Variants in HELZ observed in about 807,000 individuals in gnomAD.
The protein encoded by HELZ is ATP-dependent RNA helicase with zinc finger domain.
Under a neutral mutation model 218.2 loss-of-function variants are expected in HELZ, and 23 were observed. That is an observed-to-expected ratio of 0.11 (90% confidence interval 0.08 to 0.15). The LOEUF is 0.15. Ranked by LOEUF, HELZ falls within the 10% of genes least tolerant of loss-of-function variation. HELZ has a pLI of 1.00. For synonymous variants in HELZ, 814 were observed against 829.4 expected, an observed-to-expected ratio of 0.98 and a Z score of 0.32; for missense variants, 1,813 against 2,353.7, an observed-to-expected ratio of 0.77 and a Z score of 4.75.
Position 67,187,223 on chromosome 17 carries a change from T to C in HELZ, c.1162+1096A>G, listed in dbSNP as rs1301978567. Among the ~76,000 whole-genome samples the C allele has an allele frequency of 2.0e-5, 3 of 152,074 alleles. No homozygotes were observed. In the East Asian group the frequency reaches 5.8e-4, roughly 29 times the overall value. ...ATTAATTTATTCTGATTCCAAAGAG[T>C]ACTGAAAAGATGACAAAAATACATA... On this transcript the variant is annotated intron_variant, in intron 12 of 32. Transcript: ENST00000358691.
At chr17:67,236,624 T>TTC (rs2041193129) in intron 3 of HELZ, among the ~76,000 whole-genome samples, 1 of 152,202 alleles carries the variant, frequency 6.6e-6, no homozygotes, top group African/African-American at 2.4e-5. Flanking sequence ...ATGTAAATGT[T>TTC]TCATGATATA....
rs367796190 is a variant in HELZ, at chr17:67,240,747, T to C, written c.-75-1258A>G. ...TTCTTTTTTGTTCAAAGACAAGATA[T>C]ATGTATACACTCTGCTTTACCAAAC... On this transcript the variant is annotated intron_variant, in intron 2 of 32. Coordinates refer to ENST00000358691, the MANE Select transcript of HELZ (RefSeq NM_014877.4). Among the ~76,000 whole-genome samples, 36 of 152,336 alleles carry C rather than the reference T, an allele frequency of 2.4e-4. No homozygotes were observed. In the East Asian group the frequency reaches 4.0e-3, roughly 17 times the overall value.
intron 27 of HELZ, chr17:67,120,150 C>T: frequency 5.1e-6 from 2 of 389,198 alleles, no homozygotes; most frequent in Non-Finnish European, 9.7e-6. Flanking sequence ...ACTACAGGCA[C>T]CCGCCACCAT....
intron 31 of HELZ, among the ~76,000 whole-genome samples, chr17:67,101,112 A>G (rs76073863): frequency 8.5e-6 from 1 of 117,126 alleles, no homozygotes; most frequent in Admixed American, 7.9e-5. Context: ...TCCGTCTCAG[A>G]AAAAAAAAAA....
intron 22 of HELZ, among the ~76,000 whole-genome samples, chr17:67,137,051 T>C (rs2038176086): frequency 6.6e-6 from 1 of 152,182 alleles, no homozygotes; most frequent in Admixed American, 6.5e-5. Flanking sequence ...GGACCCTTTG[T>C]TGAAGCAGTC....
chr17:67,179,241 G>C (rs1056552934), intron 12 of HELZ, among the ~76,000 whole-genome samples: 1 of 152,074 alleles, frequency 6.6e-6, no homozygotes, highest in Non-Finnish European at 1.5e-5. Flanking sequence ...AGAGAAATTT[G>C]AATCTGCGTG....
At chr17:67,189,779 C>T (rs2039847441) in intron 10 of HELZ, 83 bp from the exon 11 acceptor site, 1 of 889,094 alleles carries the variant, frequency 1.1e-6, no homozygotes, top group Non-Finnish European at 1.9e-6. Context: ...TAAATGTCAA[C>T]AGTTAAGATG....
intron 3 of HELZ, among the ~76,000 whole-genome samples, chr17:67,228,778 A>ACGCAATCT (rs1283993474): frequency 1.3e-5 from 2 of 151,834 alleles, no homozygotes; most frequent in African/African-American, 2.4e-5. Flanking sequence ...GAGTGCAATA[A>ACGCAATCT]CGCAATCTCG....
At chr17:67,179,199 A>C (rs1191354299) in intron 12 of HELZ, among the ~76,000 whole-genome samples, 1 of 152,202 alleles carries the variant, frequency 6.6e-6, no homozygotes, top group Non-Finnish European at 1.5e-5. Flanking sequence ...TTTAAAATAC[A>C]GATTAACATT....
intron 13 of HELZ, among the ~76,000 whole-genome samples, chr17:67,168,829 C>T (rs1381564374): frequency 8.5e-5 from 13 of 152,128 alleles, no homozygotes; most frequent in Non-Finnish European, 4.4e-5. Context: ...TGGTGGCTCA[C>T]GCCTGTAATC....
At chr17:67,202,297 A>C (rs900611051) in intron 6 of HELZ, among the ~76,000 whole-genome samples, 14 of 152,294 alleles carry the variant, frequency 9.2e-5, no homozygotes, top group Admixed American at 7.8e-4. Flanking sequence ...AGTTTCAAAA[A>C]GTAGCCTTTC....
In HELZ at chr17:67,168,739, G is replaced by C. The variant is rs188397210; in HGVS notation, c.1431-943C>G. ...CTCCCTCACACTTCCATGTGTGCACGTGAGTATGAGAGAGTATGTGTAAAG... is the reference window on the plus strand; with the variant it reads ...CTCCCTCACACTTCCATGTGTGCACCTGAGTATGAGAGAGTATGTGTAAAG... On this transcript the variant is annotated intron_variant, in intron 13 of 32. Coordinates refer to ENST00000358691, the MANE Select transcript of HELZ (RefSeq NM_014877.4). 5.9e-5 allele frequency among the ~76,000 whole-genome samples: 9 copies of C among 152,278 alleles called. No homozygotes were observed. In the South Asian group the frequency reaches 1.0e-3, roughly 18 times the overall value.
At chr17:67,235,041 A>G (rs1239329492) in intron 3 of HELZ, among the ~76,000 whole-genome samples, 1 of 152,152 alleles carries the variant, frequency 6.6e-6, no homozygotes, top group Admixed American at 6.5e-5. Flanking sequence ...GGGGTGCCCC[A>G]TTCTCTCTAC....
chr17:67,220,530 T>C (rs1393389769), intron 3 of HELZ, among the ~76,000 whole-genome samples: 2 of 152,176 alleles, frequency 1.3e-5, no homozygotes, highest in African/African-American at 2.4e-5. Context: ...TTACCTAGGC[T>C]CGAGTAGAGT....
rs758220546 is a variant in HELZ, at chr17:67,109,387, A to C, written c.4218T>G (p.Ser1406Arg). The change falls in exon 29 of 33, where the codon AGT (serine) becomes AGG (arginine). Residue 1406 changes from serine to arginine, a missense_variant. Ser to Arg is a moderately radical substitution (Grantham distance 110). This residue lies in a region of HELZ where 938 missense variants were observed against 1,027.5 expected (regional missense o/e 0.91). Transcript: ENST00000358691. The stretch of plus-strand genomic sequence containing the variant: ...GCTGCTGAGGCTGCTGATTCAACTG[A>C]CTTTGCTGCTGGACTACCTGATTTG... ...PQPNQVVQQQ[S>R]QLNQQPQQPP... is the part of the protein sequence containing the mutation. 6 of 1,614,152 alleles carry C rather than the reference A, an allele frequency of 3.7e-6. No individual in the cohort carries two copies. The highest frequency in any genetic ancestry group is 1.6e-4 in the Middle Eastern group (1 of 6,062).
At chr17:67,178,301 G>A (rs1347716066) in intron 13 of HELZ, among the ~76,000 whole-genome samples, 1 of 152,104 alleles carries the variant, frequency 6.6e-6, no homozygotes, top group Admixed American at 6.5e-5. Flanking sequence ...TTCGGTTGTT[G>A]TATATCTGTT....
At chr17:67,196,601 G>C (rs1007057495) in intron 7 of HELZ, among the ~76,000 whole-genome samples, 1 of 146,714 alleles carries the variant, frequency 6.8e-6, no homozygotes, top group African/African-American at 2.5e-5. Flanking sequence ...TGGATGGATG[G>C]ATGGGTGCAT....
At chr17:67,195,838 C>CTTT (rs66827855) in intron 7 of HELZ, among the ~76,000 whole-genome samples, 29 of 101,474 alleles carry the variant, frequency 2.9e-4, no homozygotes, top group South Asian at 6.7e-4. Context: ...GTTTCTTTTC[C>CTTT]TTTTTTTTTT....
Position 67,108,969 on chromosome 17 carries a change from A to C in HELZ, c.4489+147T>G. 1 of 700,502 alleles carries C rather than the reference A, an allele frequency of 1.4e-6. No homozygotes were observed. The highest frequency in any genetic ancestry group is 2.0e-5 in the South Asian group (1 of 50,604). 43.4% of individuals were successfully genotyped at this position (700,502 alleles called of 1,614,324 possible). A position where few individuals can be genotyped will look rare whatever the true frequency, so the allele number is the denominator to read the frequency against. On this transcript the variant is annotated intron_variant, in intron 29 of 32. Transcript: ENST00000358691. The surrounding 1 kb of genome is among the most constrained non-coding windows in gnomAD (Gnocchi z 4.1). Reference sequence around the variant, plus strand: ...TGGATACTATCATACAGCATTTAGAACTAGTTTCTGATTATCACACTAAAT... The same window carrying C: ...TGGATACTATCATACAGCATTTAGACCTAGTTTCTGATTATCACACTAAAT...
Sources: allele counts gnomAD v4.1 joint callset (sites outside exome capture counted in the v4.1 genomes callset), GRCh38; gene constraint gnomAD v4.1.1; regional missense constraint gnomAD v4.1.1; non-coding constraint Gnocchi (gnomAD v3.1); transcripts MANE v1.5; gene names NCBI Gene and HGNC (gene_info 2026-07-23, HGNC 2026-07-21).